Variants in MCCC2 observed in about 807,000 individuals in gnomAD.
MCCC2 encodes methylcrotonoyl-CoA carboxylase beta chain, mitochondrial.
A neutral mutation model predicts 77.2 loss-of-function variants in MCCC2; 52 were observed. The observed-to-expected ratio is 0.67, with a 90% CI of 0.54 to 0.85. MCCC2 has a LOEUF of 0.85. Ranked by LOEUF, MCCC2 falls within the 40% of genes least tolerant of loss-of-function variation. The pLI, the probability that MCCC2 is intolerant of heterozygous loss-of-function variation, is 0.00. For missense variants in MCCC2, 682 were observed against 703.2 expected (o/e 0.97, Z 0.34); for synonymous variants, 253 against 248.4 (o/e 1.02, Z -0.18).
In MCCC2 at chr5:71,653,036, G is replaced by T. The variant is rs1747482946; in HGVS notation, c.1574+282G>T. Among the ~76,000 whole-genome samples, 5 of 152,262 alleles carry T rather than the reference G, an allele frequency of 3.3e-5. No homozygotes were observed. The South Asian group carries it at 1.0e-3, about 32-fold the overall frequency. On this transcript the variant is annotated intron_variant, in intron 16 of 16. Coordinates refer to ENST00000340941, the MANE Select transcript of MCCC2 (RefSeq NM_022132.5). ...AGTTGAGGTGTCTGGGGCCTGGAGGGGTCCTGCAGCCCAAGGTGGGCCATG... is the reference window on the plus strand; with the variant it reads ...AGTTGAGGTGTCTGGGGCCTGGAGGTGTCCTGCAGCCCAAGGTGGGCCATG...
chr5:71,610,359 A>T (rs1008108652), intron 6 of MCCC2, among the ~76,000 whole-genome samples: 5 of 151,934 alleles, frequency 3.3e-5, no homozygotes, highest in African/African-American at 1.2e-4. Context: ...CCTTTCTTTG[A>T]CTCGGAAAGG....
rs751180742 is a variant in MCCC2, at chr5:71,592,897, C to T, written c.130-29C>T. The T allele has an allele frequency of 2.8e-6, 4 of 1,428,600 alleles. No individual in the cohort carries two copies. The African/African-American group carries it at 4.3e-5, about 15-fold the overall frequency. 88.5% of individuals were successfully genotyped at this position (1,428,600 alleles called of 1,614,324 possible). On this transcript the variant is annotated intron_variant, in intron 1 of 16. Coordinates refer to ENST00000340941, the MANE Select transcript of MCCC2 (RefSeq NM_022132.5). ...AAAGGAATTGCTTTCTAATATTTCT[C>T]TCCCCTGTCTCCTCTATTTCTGTTT...
At chr5:71,602,867 C>A in intron 5 of MCCC2, 2 of 546,324 alleles carry the variant, frequency 3.7e-6, no homozygotes, top group Non-Finnish European at 6.2e-6. Context: ...GTTTTTTTCT[C>A]TATGTGTTGT....
chr5:71,605,316 A>G (rs1409806107), intron 6 of MCCC2, among the ~76,000 whole-genome samples: 1 of 150,684 alleles, frequency 6.6e-6, no homozygotes, highest in Non-Finnish European at 1.5e-5. Flanking sequence ...TTTGATTTGC[A>G]TTTCTCTGAT....
chr5:71,620,131 G>T (rs961321244), intron 6 of MCCC2, among the ~76,000 whole-genome samples: 1 of 152,142 alleles, frequency 6.6e-6, no homozygotes, highest in Non-Finnish European at 1.5e-5. Context: ...CTGACTTTTT[G>T]GATTCTTTGT....
In MCCC2 at chr5:71,635,436, G is replaced by A. The variant is rs277985; in HGVS notation, c.999+190G>A. Reference sequence around the variant, plus strand: ...ATATCATTGGCACAGAGTAAATACTGAAAGAGGGGAGTGGGGGACCTCAAT... The same window carrying A: ...ATATCATTGGCACAGAGTAAATACTAAAAGAGGGGAGTGGGGGACCTCAAT... On this transcript the variant is annotated intron_variant, in intron 10 of 16. Coordinates refer to ENST00000340941, the MANE Select transcript of MCCC2 (RefSeq NM_022132.5). 0.47 allele frequency: 315,177 copies of A among 676,262 alleles called. 75,983 individuals are homozygous for A. The highest frequency in any genetic ancestry group is 0.65 in the East Asian group (22,773 of 35,198). 41.9% of individuals were successfully genotyped at this position (676,262 alleles called of 1,614,324 possible). A position where few individuals can be genotyped will look rare whatever the true frequency, so the allele number is the denominator to read the frequency against.
At chr5:71,655,305 A>G (rs1747549323) in intron 16 of MCCC2, among the ~76,000 whole-genome samples, 1 of 152,208 alleles carries the variant, frequency 6.6e-6, no homozygotes, top group African/African-American at 2.4e-5. Flanking sequence ...ACATGGCTAG[A>G]TCTGTCTTTT....
At chr5:71,631,485 T>G (rs1050267943) in intron 7 of MCCC2, among the ~76,000 whole-genome samples, 1 of 151,140 alleles carries the variant, frequency 6.6e-6, no homozygotes, top group African/African-American at 2.4e-5. Context: ...CTTGACCACA[T>G]GTGTCAGGGC....
Position 71,587,374 on chromosome 5 carries a change from A to G in MCCC2, c.-52A>G, listed in dbSNP as rs1744797797. The stretch of plus-strand genomic sequence containing the variant: ...CCCAGCCAGGGAAGCGGCAGGGGAA[A>G]GCACCGGCTCCAGGCCAGCGTGGGC... On this transcript the variant is annotated 5_prime_UTR_variant, in exon 1 of 17. Coordinates refer to ENST00000340941, the MANE Select transcript of MCCC2 (RefSeq NM_022132.5). The G allele has an allele frequency of 8.5e-6, 13 of 1,524,458 alleles. 1 individual carries two copies. The South Asian group carries it at 1.6e-4, about 18-fold the overall frequency. 94.4% of individuals were successfully genotyped at this position (1,524,458 alleles called of 1,614,324 possible).
In MCCC2 at chr5:71,638,373, C is replaced by G. The variant is rs138173097; in HGVS notation, c.1000-2630C>G. ...AGTATCTTTAATTTAATTAAATATC[C>G]TTAATGTTGATATTTTGACCTCCTC... On this transcript the variant is annotated intron_variant, in intron 10 of 16. Coordinates refer to ENST00000340941, the MANE Select transcript of MCCC2 (RefSeq NM_022132.5). 9.5e-3 allele frequency among the ~76,000 whole-genome samples: 1,453 copies of G among 152,238 alleles called. 13 individuals are homozygous for G. Among genetic ancestry groups the G allele is most frequent in the Non-Finnish European group, 0.016 (1,069 of 68,018 alleles).
intron 6 of MCCC2, among the ~76,000 whole-genome samples, chr5:71,624,850 C>T (rs1386613938): frequency 6.6e-6 from 1 of 151,926 alleles, no homozygotes; most frequent in African/African-American, 2.4e-5. Flanking sequence ...TGCAGCACCA[C>T]ACCCAATTAA....
At chr5:71,655,201 A>G (rs1747547261) in intron 16 of MCCC2, among the ~76,000 whole-genome samples, 2 of 152,156 alleles carry the variant, frequency 1.3e-5, no homozygotes, top group East Asian at 1.9e-4. Flanking sequence ...TTTCTTTCAA[A>G]GCTGAAAGGA....
chr5:71,615,447 CTTAT>C (rs1231079698), intron 6 of MCCC2, among the ~76,000 whole-genome samples: 1 of 151,970 alleles, frequency 6.6e-6, no homozygotes, highest in Non-Finnish European at 1.5e-5. Flanking sequence ...CTGGGGTGCC[CTTAT>C]TTATTTATTT....
intron 8 of MCCC2, among the ~76,000 whole-genome samples, chr5:71,632,703 C>T (rs1195369491): frequency 6.6e-6 from 1 of 152,140 alleles, no homozygotes; most frequent in Admixed American, 6.5e-5. Flanking sequence ...TTGCCAATTT[C>T]TGTGGTATGA....
chr5:71,647,033 A>G (rs987865098), intron 13 of MCCC2, among the ~76,000 whole-genome samples: 1 of 152,236 alleles, frequency 6.6e-6, no homozygotes, highest in Non-Finnish European at 1.5e-5. Context: ...TGACCTTAAC[A>G]TGGTGGATAA....
intron 1 of MCCC2, among the ~76,000 whole-genome samples, chr5:71,590,488 C>A (rs140517417): frequency 1.6e-4 from 25 of 152,252 alleles, no homozygotes; most frequent in South Asian, 6.2e-4. Context: ...CATCCTTCTG[C>A]CATTGATTTC....
chr5:71,596,716 C>T (rs767902455), intron 3 of MCCC2, among the ~76,000 whole-genome samples: 9 of 151,950 alleles, frequency 5.9e-5, no homozygotes, highest in Non-Finnish European at 7.4e-5. Context: ...CCGAGGTGGG[C>T]GGATCATGAA....
intron 6 of MCCC2, among the ~76,000 whole-genome samples, chr5:71,605,662 G>A (rs866045280): frequency 3.3e-5 from 5 of 151,424 alleles, no homozygotes; most frequent in African/African-American, 1.2e-4. Context: ...CCATGCCTAT[G>A]TCCTGAATGG....
intron 6 of MCCC2, among the ~76,000 whole-genome samples, chr5:71,619,711 G>T (rs997527620): frequency 6.6e-6 from 1 of 152,044 alleles, no homozygotes; most frequent in African/African-American, 2.4e-5. Flanking sequence ...TTTTAAAAAT[G>T]CATTTCAAAG....
Sources: gnomAD v4.1 joint callset for allele counts (sites outside exome capture counted in the v4.1 genomes callset) on GRCh38, gnomAD v4.1.1 for gene constraint, MANE v1.5 for transcripts, NCBI Gene and HGNC (gene_info 2026-07-23, HGNC 2026-07-21) for gene names.